The following ZSWIM7 variants were observed in gnomAD, a reference collection of about 807,000 sequenced individuals.
ZSWIM7 encodes the protein zinc finger SWIM domain-containing protein 7.
In ZSWIM7, 22 loss-of-function variants were observed where a neutral mutation model predicts 21.1. That is an observed-to-expected ratio of 1.04 (90% CI 0.74 to 1.49). The LOEUF (loss-of-function observed/expected upper bound fraction) is 1.49, where lower values mean the gene tolerates loss of function less well. Ranked by LOEUF, ZSWIM7 falls within the 40% of genes most tolerant of loss-of-function variation. The probability of loss-of-function intolerance (pLI) is 0.00; values close to 1 mark genes in which losing one functional copy is unlikely to be tolerated. For missense variants in ZSWIM7, 193 were observed against 168.0 expected (o/e 1.15, Z -0.82); for synonymous variants, 67 against 66.5 (o/e 1.01, Z -0.04).
Position 15,999,569 on chromosome 17 carries a change from A to C in ZSWIM7, c.26T>G (p.Val9Gly). The C allele has an allele frequency of 6.3e-7, 1 of 1,587,478 alleles. No individual in the cohort carries two copies. The highest frequency in any genetic ancestry group is 8.6e-7 in the Non-Finnish European group (1 of 1,166,342). Residue 9 changes from valine (V) to glycine (G), a missense_variant, in exon 1 of 5, where the codon GTG becomes GGG. Val to Gly is a moderately radical substitution (Grantham distance 109). Coordinates refer to ENST00000399277, the MANE Select transcript of ZSWIM7 (RefSeq NM_001042697.2). The stretch of plus-strand genomic sequence containing the variant: ...CGCCATCTCGCTCAGGAGCTCCTCC[A>C]CAACCGCCGGCAACACTACGGCCAT... MAVVLPAV[V>G]EELLSEMAAA...
intron 1 of ZSWIM7, among the ~76,000 whole-genome samples, chr17:15,997,619 G>A (rs1450294246): frequency 6.6e-6 from 1 of 152,110 alleles, no homozygotes; most frequent in Non-Finnish European, 1.5e-5. Flanking sequence ...GAAGAATGGG[G>A]GTTAGGAAGG....
At position 15,979,670 on chromosome 17, in the gene ZSWIM7, A is replaced by ACC. The variant is rs574772182; in HGVS notation, c.306+1368_306+1369dup. On this transcript the variant is annotated intron_variant, in intron 4 of 4. Transcript: ENST00000399277. Reference sequence around the variant, plus strand: ...GGGCGGCTGGCTGGGCGGAGGACTGACCCCCCCCACCTCCCTCCCGAATGG... The same window carrying ACC: ...GGGCGGCTGGCTGGGCGGAGGACTGACCCCCCCCCCACCTCCCTCCCGAATGG... 2.8e-3 allele frequency among the ~76,000 whole-genome samples: 279 copies of ACC among 101,316 alleles called. 11 individuals carry two copies. The highest frequency in any genetic ancestry group is 4.9e-3 in the African/African-American group (114 of 23,380). 66.5% of individuals were successfully genotyped at this position (101,316 alleles called of 152,430 possible). A position where few individuals can be genotyped will look rare whatever the true frequency, so the allele number is the denominator to read the frequency against.
At chr17:15,990,241 A>T (rs1970465694) in intron 2 of ZSWIM7, among the ~76,000 whole-genome samples, 1 of 105,980 alleles carries the variant, frequency 9.4e-6, no homozygotes, top group Admixed American at 9.4e-5. Flanking sequence ...AAAAAAAGCA[A>T]TAAACCAAAA....
At chr17:15,992,439 C>CTTT (rs11455913) in intron 2 of ZSWIM7, among the ~76,000 whole-genome samples, 2,654 of 121,922 alleles carry the variant, frequency 0.022, 170 homozygotes, top group African/African-American at 0.08. Context: ...AACAGCTACG[C>CTTT]TTTTTTTTTT....
chr17:15,999,429 G>A (rs758719525), intron 1 of ZSWIM7, 90 bp downstream of exon 1: 12 of 1,497,968 alleles, frequency 8.0e-6, no homozygotes, highest in Non-Finnish European at 1.0e-5. Flanking sequence ...GGCCAGGCCC[G>A]GACACCCCGC....
rs959782391 is a variant in ZSWIM7 at position 15,977,068 on chromosome 17, T to G, written c.*979A>C. 1 of 152,186 alleles carries G rather than the reference T, an allele frequency of 6.6e-6. No homozygotes were observed. Among genetic ancestry groups the G allele is most frequent in the Non-Finnish European group, 1.5e-5 (1 of 68,022 alleles). The allele number at this position is 152,186 out of a possible 1,614,324, so 9.4% of individuals were successfully genotyped here. A position where few individuals can be genotyped will look rare whatever the true frequency, so the allele number is the denominator to read the frequency against. ...CCTGTAGTTTCCTTCCAGGACACGATTTTTAGTCTGTTCCTTCAATTGCCC... is the reference window on the plus strand; with the variant it reads ...CCTGTAGTTTCCTTCCAGGACACGAGTTTTAGTCTGTTCCTTCAATTGCCC... On this transcript the variant is annotated 3_prime_UTR_variant, in exon 5 of 5. Transcript: ENST00000399277.
chr17:15,996,350 T>A (rs2151632493), intron 1 of ZSWIM7, among the ~76,000 whole-genome samples: 1 of 151,954 alleles, frequency 6.6e-6, no homozygotes. Flanking sequence ...TTTTCAGACA[T>A]AAGCCTCAAA....
Position 15,991,904 on chromosome 17 carries a change from G to GT in ZSWIM7, c.98+1852dup, listed in dbSNP as rs1277836412. 1.2e-3 allele frequency among the ~76,000 whole-genome samples: 113 copies of GT among 90,668 alleles called. 3 individuals carry two copies. Among genetic ancestry groups the GT allele is most frequent in the African/African-American group, 4.2e-3 (80 of 19,208 alleles). The allele number at this position is 90,668 out of a possible 152,430, so 59.5% of individuals were successfully genotyped here. A position where few individuals can be genotyped will look rare whatever the true frequency, so the allele number is the denominator to read the frequency against. On this transcript the variant is annotated intron_variant, in intron 2 of 4. Coordinates refer to ENST00000399277, the MANE Select transcript of ZSWIM7 (RefSeq NM_001042697.2). Reference sequence around the variant, plus strand: ...AAACAGTCCTCCTGGGACAGGTTTTGTTTTTTTTTGTTTGTTTTGTTTTGT... The same window carrying GT: ...AAACAGTCCTCCTGGGACAGGTTTTGTTTTTTTTTTGTTTGTTTTGTTTTGT...
At chr17:15,985,813 C>G (rs1970402826) in intron 3 of ZSWIM7, among the ~76,000 whole-genome samples, 1 of 152,134 alleles carries the variant, frequency 6.6e-6, no homozygotes, top group African/African-American at 2.4e-5. Context: ...GACCAAATAT[C>G]CCAAACTAAA....
At chr17:15,979,078 T>C in intron 4 of ZSWIM7, among the ~76,000 whole-genome samples, 1 of 150,258 alleles carries the variant, frequency 6.7e-6, no homozygotes, top group East Asian at 1.9e-4. Context: ...GGAGGGAAGG[T>C]CAGCAGATAA....
At chr17:15,994,041 CG>C (rs2151630562) in intron 1 of ZSWIM7, among the ~76,000 whole-genome samples, 1 of 152,284 alleles carries the variant, frequency 6.6e-6, no homozygotes, top group Non-Finnish European at 1.5e-5. Flanking sequence ...CTCCGCCTCC[CG>C]GGTTTAAACC....
At chr17:15,992,686 G>A (rs561716674) in intron 2 of ZSWIM7, among the ~76,000 whole-genome samples, 19 of 151,658 alleles carry the variant, frequency 1.3e-4, no homozygotes, top group African/African-American at 3.6e-4. Flanking sequence ...TGATTCGCCC[G>A]TCTCGGCCTC....
At chr17:15,991,434 A>G (rs1386120342) in intron 2 of ZSWIM7, among the ~76,000 whole-genome samples, 2 of 152,244 alleles carry the variant, frequency 1.3e-5, no homozygotes, top group South Asian at 4.1e-4. Flanking sequence ...TAAAGTTCCT[A>G]TTGCCTGTTA....
chr17:15,984,756 G>C (rs142655395), intron 3 of ZSWIM7, among the ~76,000 whole-genome samples: 1,595 of 152,268 alleles, frequency 0.01, 28 homozygotes, highest in African/African-American at 0.036. Context: ...AGCGAAAAAT[G>C]TTAAAAATTG....
At chr17:15,997,958 G>A (rs544156888) in intron 1 of ZSWIM7, among the ~76,000 whole-genome samples, 4 of 152,150 alleles carry the variant, frequency 2.6e-5, no homozygotes, top group African/African-American at 4.8e-5. Context: ...CAAATTAGCC[G>A]GGTGTGGTGG....
At chr17:15,981,273 A>T in intron 3 of ZSWIM7, 129 bp from the exon 4 acceptor site, 1 of 618,336 alleles carries the variant, frequency 1.6e-6, no homozygotes, top group Non-Finnish European at 2.8e-6. Flanking sequence ...AATGTTTTAC[A>T]TAAAAGAGGA....
chr17:15,990,782 G>A (rs1970472303), intron 2 of ZSWIM7: 1 of 152,130 alleles, frequency 6.6e-6, no homozygotes, highest in South Asian at 2.1e-4. Flanking sequence ...AACATATGAA[G>A]ATTTAGTCTA....
intron 2 of ZSWIM7, among the ~76,000 whole-genome samples, chr17:15,989,784 C>T (rs1224092533): frequency 6.6e-6 from 1 of 152,064 alleles, no homozygotes; most frequent in Non-Finnish European, 1.5e-5. Flanking sequence ...CAGGTATATA[C>T]CACCACATCC....
At chr17:15,993,348 T>TTTATTTA (rs1266063121) in intron 2 of ZSWIM7, among the ~76,000 whole-genome samples, 15 of 142,440 alleles carry the variant, frequency 1.1e-4, no homozygotes, top group African/African-American at 4.1e-4. Flanking sequence ...TTATTTTTTA[T>TTTATTTA]TTTATTTATT....
Sources: allele counts gnomAD v4.1 joint callset (sites outside exome capture counted in the v4.1 genomes callset), GRCh38; gene constraint gnomAD v4.1.1; transcripts MANE v1.5; gene names NCBI Gene and HGNC (gene_info 2026-07-23, HGNC 2026-07-21).